Variants in SLC6A13 observed in about 807,000 individuals in gnomAD.
SLC6A13 encodes solute carrier family 6 member 13, also known as sodium- and chloride-dependent GABA transporter 2.
SLC6A13 carries 69 observed loss-of-function variants against 72.9 expected under a neutral mutation model. The observed-to-expected ratio is 0.95, with a 90% CI of 0.78 to 1.16. The LOEUF (loss-of-function observed/expected upper bound fraction) is 1.16, where lower values mean the gene tolerates loss of function less well. Ranked by LOEUF, SLC6A13 falls within the 50% of genes most tolerant of loss-of-function variation. SLC6A13 has a pLI of 0.00. For synonymous variants in SLC6A13, 303 were observed against 303.0 expected, an observed-to-expected ratio of 1.00 and a Z score of 0.00; for missense variants, 735 against 760.5, an observed-to-expected ratio of 0.97 and a Z score of 0.39.
intron 2 of SLC6A13, among the ~76,000 whole-genome samples, chr12:248,415 A>G (rs12831369): frequency 0.079 from 11,938 of 151,530 alleles, 732 homozygotes; most frequent in Non-Finnish European, 0.12. Context: ...AAAAAAAAAA[A>G]AAAAAAAAAG....
rs140538243 is a variant in SLC6A13, at chr12:245,767, G to A, written c.203-1954C>T. ...TGGGAGGCCAAGGCAGGCAGATCAC[G>A]AGGTCAAGAGATCGAGACCATCCTG... On this transcript the variant is annotated intron_variant, in intron 2 of 14. Transcript: ENST00000343164. 6.0e-3 allele frequency among the ~76,000 whole-genome samples: 917 copies of A among 152,132 alleles called. 14 individuals carry two copies. Among genetic ancestry groups the A allele is most frequent in the African/African-American group, 0.021 (889 of 41,528 alleles).
At position 221,002 on chromosome 12, in the gene SLC6A13, G is replaced by A. The variant is rs565788341; in HGVS notation, c.1755C>T (p.Pro585=). Residue 585 remains proline (P), a synonymous_variant, in exon 15 of 15, where the codon CCC becomes CCT. Transcript: ENST00000343164. ...PQRNPAGPSA[P]ATPRTSLLRL... is the part of the protein sequence containing the mutation. ...TGAGCAGTGAGGTCCTGGGGGTGGCGGGAGCCGAGGGTCCTGCTGGGTTCC... is the reference window on the plus strand; with the variant it reads ...TGAGCAGTGAGGTCCTGGGGGTGGCAGGAGCCGAGGGTCCTGCTGGGTTCC... 6.4e-5 allele frequency: 104 copies of A among 1,612,582 alleles called. 2 individuals are homozygous for A. The Admixed American group carries it at 1.2e-3, about 18-fold the overall frequency.
chr12:244,978 G>A (rs1439194240), intron 2 of SLC6A13, among the ~76,000 whole-genome samples: 1 of 151,546 alleles, frequency 6.6e-6, no homozygotes, highest in Non-Finnish European at 1.5e-5. Context: ...AGATATACTG[G>A]TATTTTCCCT....
Position 226,983 on chromosome 12 carries a change from G to T in SLC6A13, c.936-469C>A, listed in dbSNP as rs3782866. ...CTGTGTTTCAGCGTGTATTAAAATTGGCTTAAATTTTCTGAGCACAAACCA... is the reference window on the plus strand; with the variant it reads ...CTGTGTTTCAGCGTGTATTAAAATTTGCTTAAATTTTCTGAGCACAAACCA... On this transcript the variant is annotated intron_variant, in intron 8 of 14. Coordinates refer to ENST00000343164, the MANE Select transcript of SLC6A13 (RefSeq NM_016615.5). 400 of 163,622 alleles carry T rather than the reference G, an allele frequency of 2.4e-3. 8 individuals carry two copies. The East Asian group carries it at 0.054, about 22-fold the overall frequency. 10.1% of individuals were successfully genotyped at this position (163,622 alleles called of 1,614,324 possible).
At chr12:235,270 CAGCAGGGGCAGGA>C in intron 6 of SLC6A13, 46 bp from the exon 7 acceptor site, 1 of 1,610,544 alleles carries the variant, frequency 6.2e-7, no homozygotes, top group Non-Finnish European at 8.5e-7. Context: ...AGTGAGGAAG[CAGCAGGGGCAGGA>C]GGCAGGGGCA....
Position 222,596 on chromosome 12 carries a change from A to G in SLC6A13, c.1451T>C (p.Ile484Thr). The G allele has an allele frequency of 1.9e-6, 3 of 1,610,602 alleles. No homozygotes were observed. The highest frequency in any genetic ancestry group is 2.5e-6 in the Non-Finnish European group (3 of 1,178,234). Residue 484 changes from isoleucine (I) to threonine (T), a missense_variant, in exon 13 of 15, where the codon ATT becomes ACT. Coordinates refer to ENST00000343164, the MANE Select transcript of SLC6A13 (RefSeq NM_016615.5). ...KRFYDNIEDM[I>T]GYRPWPLIKY... ...GATAAGAGGCCATGGCCTGTACCCA[A>G]TCATGTCTTCGATGTTGTCGTAGAA...
intron 2 of SLC6A13, among the ~76,000 whole-genome samples, chr12:250,471 A>T (rs1942495301): frequency 6.6e-6 from 1 of 152,212 alleles, no homozygotes; most frequent in Non-Finnish European, 1.5e-5. Context: ...GGGCATACAC[A>T]AATCAATTGT....
intron 7 of SLC6A13, among the ~76,000 whole-genome samples, chr12:231,366 T>C (rs896537742): frequency 6.6e-6 from 1 of 152,196 alleles, no homozygotes; most frequent in Non-Finnish European, 1.5e-5. Context: ...CTTTGGTCTG[T>C]GTCGGGGAGA....
At position 251,817 on chromosome 12, in the gene SLC6A13, C is replaced by T. The variant is rs79893754; in HGVS notation, c.203-8004G>A. ...AAAAAAAAAAAAGTTTTTAATTTTC[C>T]GGGCATGGTGGCACATGCCTATAGT... On this transcript the variant is annotated intron_variant, in intron 2 of 14. Coordinates refer to ENST00000343164, the MANE Select transcript of SLC6A13 (RefSeq NM_016615.5). Among the ~76,000 whole-genome samples the T allele has an allele frequency of 1.1e-3, 163 of 151,978 alleles. 3 individuals are homozygous for T. In the East Asian group the frequency reaches 0.024, roughly 22 times the overall value.
intron 1 of SLC6A13, among the ~76,000 whole-genome samples, chr12:262,097 C>T (rs769356848): frequency 2.6e-5 from 4 of 152,144 alleles, no homozygotes; most frequent in Non-Finnish European, 5.9e-5. Flanking sequence ...GGCCTCCCCT[C>T]CCTTTACCAG....
At chr12:235,769 G>T (rs7976795) in intron 6 of SLC6A13, among the ~76,000 whole-genome samples, 1 of 152,188 alleles carries the variant, frequency 6.6e-6, no homozygotes, top group Non-Finnish European at 1.5e-5. Flanking sequence ...ATAAACGGAC[G>T]TGCAAGTAGG....
chr12:242,124 T>A (rs1409916073), intron 4 of SLC6A13, among the ~76,000 whole-genome samples: 1 of 152,132 alleles, frequency 6.6e-6, no homozygotes, highest in Non-Finnish European at 1.5e-5. Flanking sequence ...CCCTTGTCAT[T>A]AAGCGACACG....
intron 3 of SLC6A13, among the ~76,000 whole-genome samples, chr12:243,116 T>G (rs189775565): frequency 0.011 from 1,607 of 152,196 alleles, 17 homozygotes; most frequent in Non-Finnish European, 0.018. Flanking sequence ...TTCAAGAGAT[T>G]CTCCTGCCTC....
intron 6 of SLC6A13, among the ~76,000 whole-genome samples, chr12:235,677 G>C (rs1349627512): frequency 1.3e-5 from 2 of 152,100 alleles, no homozygotes; most frequent in African/African-American, 4.8e-5. Flanking sequence ...GATTTTTAGG[G>C]AACAAGGGAA....
Position 254,750 on chromosome 12 carries a change from C to T in SLC6A13, c.202+5101G>A, listed in dbSNP as rs150162814. ...CCAGCCAGATCTCTCTCACAAACCC[C>T]AAACTCACATTCTATTGCCCAGTTG... On this transcript the variant is annotated intron_variant, in intron 2 of 14. Transcript: ENST00000343164. This position sits in a 1 kb window ranked among gnomAD's most constrained non-coding sequence, Gnocchi z 4.4. Among the ~76,000 whole-genome samples, 1,540 of 152,294 alleles carry T rather than the reference C, an allele frequency of 0.01. 19 individuals are homozygous for T. Among genetic ancestry groups the T allele is most frequent in the African/African-American group, 0.035 (1,444 of 41,562 alleles).
At chr12:229,714 C>T (rs1240779192) in intron 7 of SLC6A13, among the ~76,000 whole-genome samples, 2 of 152,204 alleles carry the variant, frequency 1.3e-5, no homozygotes, top group South Asian at 4.1e-4. Flanking sequence ...ACATTTGCTC[C>T]CAGGCCTGAC....
At chr12:225,434 G>A (rs1454348473) in intron 9 of SLC6A13, among the ~76,000 whole-genome samples, 5 of 152,234 alleles carry the variant, frequency 3.3e-5, no homozygotes, top group Non-Finnish European at 7.3e-5. Context: ...TGGATCACTT[G>A]AGGCCAGAGG....
At chr12:227,386 G>T in intron 8 of SLC6A13, 179 bp downstream of exon 8, 1 of 626,188 alleles carries the variant, frequency 1.6e-6, no homozygotes, top group Non-Finnish European at 2.0e-6. Context: ...GCAATTCTCT[G>T]TCCATCTTGC....
intron 2 of SLC6A13, among the ~76,000 whole-genome samples, chr12:251,128 C>T (rs984008143): frequency 2.0e-5 from 3 of 151,316 alleles, no homozygotes; most frequent in South Asian, 4.2e-4. Flanking sequence ...TGCACTCCAG[C>T]CTGGGCAACA....
Sources: gnomAD v4.1 joint callset for allele counts (sites outside exome capture counted in the v4.1 genomes callset) on GRCh38, gnomAD v4.1.1 for gene constraint, Gnocchi (gnomAD v3.1) non-coding constraint, MANE v1.5 for transcripts, NCBI Gene and HGNC (gene_info 2026-07-23, HGNC 2026-07-21) for gene names.